The following SPATA22 variants were observed in gnomAD, a reference collection of about 807,000 sequenced individuals.
SPATA22 encodes the protein spermatogenesis-associated protein 22.
Under a neutral mutation model 47.8 loss-of-function variants are expected in SPATA22, and 29 were observed. The ratio of observed to expected loss-of-function variants is 0.61; its 90% CI spans 0.45 to 0.83. The LOEUF is 0.83. Among genes scored for constraint, SPATA22 ranks in the 40% least tolerant of loss-of-function variants. SPATA22 has a pLI of 0.00. For missense variants in SPATA22, 410 were observed against 421.7 expected (o/e 0.97, Z 0.24); for synonymous variants, 133 against 140.9 (o/e 0.94, Z 0.40).
intron 1 of SPATA22, chr17:3,510,776 T>C (rs530906089): frequency 1.3e-5 from 2 of 152,182 alleles, no homozygotes; most frequent in Non-Finnish European, 2.9e-5. Context: ...TGACGGCCCA[T>C]CTACCTGGGC....
At position 3,443,198 on chromosome 17, in the gene SPATA22, A is replaced by G. The variant is rs755907143; in HGVS notation, c.876T>C (p.Thr292=). 12 of 1,610,292 alleles carry G rather than the reference A, an allele frequency of 7.5e-6. 1 individual carries two copies. The South Asian group carries it at 1.3e-4, about 18-fold the overall frequency. Residue 292 remains threonine, a synonymous_variant, in exon 8 of 9, where the codon ACT becomes ACC. Transcript: ENST00000572969. The part of the protein sequence containing the change: ...KTFLMRDGKN[T]LPCVFYEIDR... Reference sequence around the variant, plus strand: ...CGATTTCATAAAAGACACAAGGCAGAGTATTTTTCCCATCCCTCATAAGAA... The same window carrying G: ...CGATTTCATAAAAGACACAAGGCAGGGTATTTTTCCCATCCCTCATAAGAA...
chr17:3,479,700 C>T (rs1161319375), intron 1 of SPATA22, among the ~76,000 whole-genome samples: 1 of 152,120 alleles, frequency 6.6e-6, no homozygotes, highest in Non-Finnish European at 1.5e-5. Flanking sequence ...CCGGCTTTGT[C>T]CTCATGGTTT....
At chr17:3,471,185 G>A (rs2073425722) in intron 1 of SPATA22, among the ~76,000 whole-genome samples, 1 of 151,898 alleles carries the variant, frequency 6.6e-6, no homozygotes, top group Admixed American at 6.6e-5. Context: ...AGGGAGGGAG[G>A]GAAGGGAAGG....
intron 1 of SPATA22, among the ~76,000 whole-genome samples, chr17:3,471,158 A>T (rs2073424828): frequency 6.6e-6 from 1 of 151,890 alleles, no homozygotes; most frequent in Non-Finnish European, 1.5e-5. Flanking sequence ...CTAGGGAAAA[A>T]ATGGAGAGAG....
intron 1 of SPATA22, among the ~76,000 whole-genome samples, chr17:3,494,196 G>A (rs1261912956): frequency 6.6e-6 from 1 of 151,928 alleles, no homozygotes; most frequent in African/African-American, 2.4e-5. Context: ...GTGGAGATGG[G>A]GTTCACCATG....
At chr17:3,459,511 T>G (rs1343645950) in intron 5 of SPATA22, among the ~76,000 whole-genome samples, 1 of 152,208 alleles carries the variant, frequency 6.6e-6, no homozygotes, top group Non-Finnish European at 1.5e-5. Context: ...GTTCCAATGA[T>G]TCTACTGCCT....
chr17:3,469,939 CA>C (rs1357909794), intron 1 of SPATA22, among the ~76,000 whole-genome samples: 1 of 151,884 alleles, frequency 6.6e-6, no homozygotes, highest in East Asian at 1.9e-4. Flanking sequence ...ACTAAAAATA[CA>C]AAATTAGCCA....
intron 1 of SPATA22, among the ~76,000 whole-genome samples, chr17:3,505,611 C>T (rs1381206931): frequency 6.6e-6 from 1 of 152,052 alleles, no homozygotes; most frequent in Admixed American, 6.6e-5. Context: ...TGGGGGTGAC[C>T]AGGGAGAGAG....
intron 1 of SPATA22, among the ~76,000 whole-genome samples, chr17:3,493,560 C>CACA (rs2073860298): frequency 1.8e-5 from 1 of 56,370 alleles, no homozygotes; most frequent in African/African-American, 7.4e-5. Context: ...GGTTCCATCT[C>CACA]AAAAAAAAAA....
At chr17:3,443,469 T>A (rs951230828) in intron 7 of SPATA22, among the ~76,000 whole-genome samples, 198 bp from the exon 8 acceptor site, 1 of 151,936 alleles carries the variant, frequency 6.6e-6, no homozygotes, top group African/African-American at 2.4e-5. Flanking sequence ...CTTCTGACTC[T>A]CTCCAACTTA....
At position 3,485,221 on chromosome 17, in the gene SPATA22, A is replaced by C. The variant is rs1349019160; in HGVS notation, c.-73-15823T>G. ...TTTGTAGAGACAGGATCTCAGTATG[A>C]TCAGGTCTCAAACTCCTGATTCAAG... is the stretch of plus-strand genomic sequence containing the variant. On this transcript the variant is annotated intron_variant, in intron 1 of 8. Coordinates refer to the SPATA22 transcript ENST00000541913. The surrounding 1 kb of genome is among the most constrained non-coding windows in gnomAD (Gnocchi z 4.4). Among the ~76,000 whole-genome samples, 1 of 151,988 alleles carries C rather than the reference A, an allele frequency of 6.6e-6. No individual in the cohort carries two copies. The highest frequency in any genetic ancestry group is 1.5e-5 in the Non-Finnish European group (1 of 68,004).
At chr17:3,495,623 C>T (rs1251452388) in intron 1 of SPATA22, among the ~76,000 whole-genome samples, 1 of 152,186 alleles carries the variant, frequency 6.6e-6, no homozygotes, top group Non-Finnish European at 1.5e-5. Flanking sequence ...GGCTGGAGTG[C>T]AGTGGTGCAA....
At chr17:3,492,488 C>G (rs1179324075) in intron 1 of SPATA22, among the ~76,000 whole-genome samples, 1 of 152,210 alleles carries the variant, frequency 6.6e-6, no homozygotes, top group East Asian at 1.9e-4. Flanking sequence ...CGTCCACATC[C>G]TGGCAGTGTG....
At chr17:3,444,262 T>C (rs2072665720) in intron 7 of SPATA22, among the ~76,000 whole-genome samples, 1 of 152,052 alleles carries the variant, frequency 6.6e-6, no homozygotes, top group Non-Finnish European at 1.5e-5. Flanking sequence ...TTTTTAGCCA[T>C]ATTATTTGGA....
At chr17:3,497,420 C>T (rs1597449064) in intron 1 of SPATA22, among the ~76,000 whole-genome samples, 1 of 152,164 alleles carries the variant, frequency 6.6e-6, no homozygotes, top group Non-Finnish European at 1.5e-5. Flanking sequence ...GAAAGAAGCA[C>T]GTATCCTGAT....
intron 1 of SPATA22, chr17:3,513,353 G>C (rs1255410066): frequency 1.3e-5 from 2 of 152,872 alleles, no homozygotes. Flanking sequence ...TTCCCCGAAG[G>C]GTTCCGGAAG....
intron 1 of SPATA22, among the ~76,000 whole-genome samples, chr17:3,507,733 A>G (rs2074055214): frequency 6.6e-6 from 1 of 152,210 alleles, no homozygotes; most frequent in Non-Finnish European, 1.5e-5. Flanking sequence ...ACAATAACCA[A>G]CATGACCGGA....
chr17:3,452,351 T>C (rs1428704454), intron 5 of SPATA22, among the ~76,000 whole-genome samples: 1 of 150,180 alleles, frequency 6.7e-6, no homozygotes, highest in Non-Finnish European at 1.5e-5. Flanking sequence ...CCCAGCACTT[T>C]GGGAGGCCGA....
intron 1 of SPATA22, among the ~76,000 whole-genome samples, chr17:3,491,871 T>C (rs995419297): frequency 4.0e-5 from 5 of 126,024 alleles, no homozygotes; most frequent in Non-Finnish European, 8.3e-5. Flanking sequence ...TTTTTTCTTT[T>C]GTTTTCTTTT....
Sources: gnomAD v4.1 joint callset for allele counts (sites outside exome capture counted in the v4.1 genomes callset) on GRCh38, gnomAD v4.1.1 for gene constraint, Gnocchi (gnomAD v3.1) non-coding constraint, MANE v1.5 for transcripts, NCBI Gene and HGNC (gene_info 2026-07-23, HGNC 2026-07-21) for gene names.